HEG1: variants seen among roughly 807,000 people sequenced by gnomAD.
HEG1 encodes the protein heart development protein with EGF like domains 1.
Under a neutral mutation model 125.6 loss-of-function variants are expected in HEG1, and 56 were observed. The ratio of observed to expected loss-of-function variants is 0.45; its 90% CI spans 0.36 to 0.56. The LOEUF is 0.56. Among genes scored for constraint, HEG1 ranks in the 20% least tolerant of loss-of-function variants. The probability of loss-of-function intolerance (pLI) is 0.00; values close to 1 mark genes in which losing one functional copy is unlikely to be tolerated. For synonymous variants in HEG1, 644 were observed against 668.5 expected (o/e 0.96, Z 0.57); for missense variants, 1,523 against 1,670.0 (o/e 0.91, Z 1.53).
Position 125,020,899 on chromosome 3 carries a change from C to G in HEG1, c.1145G>C (p.Arg382Thr), listed in dbSNP as rs1485171134. ...ATTCCCAGTTACTCTACTGTTTCTT[C>G]TCGATTCCACTGCAGAGGGTGAAAG... ...VLLSPSAVES[R>T]RNSRVTGNPG... Residue 382 changes from arginine to threonine, a missense_variant, in exon 4 of 17, where the codon AGA (arginine) becomes ACA (threonine). Coordinates refer to ENST00000311127, the MANE Select transcript of HEG1 (RefSeq NM_020733.2). 3 of 1,613,904 alleles carry G rather than the reference C, an allele frequency of 1.9e-6. No individual in the cohort carries two copies. Among genetic ancestry groups the G allele is most frequent in the Non-Finnish European group, 2.5e-6 (3 of 1,179,906 alleles).
intron 1 of HEG1, among the ~76,000 whole-genome samples, chr3:125,045,936 A>G (rs1335172583): frequency 6.6e-6 from 1 of 152,208 alleles, no homozygotes; most frequent in Non-Finnish European, 1.5e-5. Flanking sequence ...TATCACAACT[A>G]AAACATTGCT....
chr3:125,051,400 T>C (rs1362262727), intron 1 of HEG1, among the ~76,000 whole-genome samples: 1 of 152,190 alleles, frequency 6.6e-6, no homozygotes, highest in Non-Finnish European at 1.5e-5. Flanking sequence ...TACCCCATTT[T>C]ACAGATGAGA....
At chr3:125,047,336 A>G (rs1937688549) in intron 1 of HEG1, among the ~76,000 whole-genome samples, 1 of 152,264 alleles carries the variant, frequency 6.6e-6, no homozygotes, top group Non-Finnish European at 1.5e-5. Flanking sequence ...TTGCCCAGGC[A>G]TCAAGCCGTC....
chr3:125,045,305 C>T (rs151046290), intron 1 of HEG1, among the ~76,000 whole-genome samples: 2 of 152,332 alleles, frequency 1.3e-5, no homozygotes, highest in East Asian at 1.9e-4. Context: ...TCCTTCCCCT[C>T]GGCCTCCTGG....
At chr3:124,987,580 T>G (rs967318726) in intron 14 of HEG1, among the ~76,000 whole-genome samples, 2 of 148,344 alleles carry the variant, frequency 1.3e-5, no homozygotes, top group Non-Finnish European at 3.0e-5. Flanking sequence ...CAGAGTGCAA[T>G]GGCGCTATCC....
In HEG1 at chr3:125,044,248, A is replaced by G. The variant is rs1026566228; in HGVS notation, c.316+11327T>C. The stretch of plus-strand genomic sequence containing the variant: ...CTAATGCGTTTTGTAAATCAAGATT[A>G]GGAAACCTGACATTCTATTCAAATA... On this transcript the variant is annotated intron_variant, in intron 1 of 16. Transcript: ENST00000311127. 1.5e-4 allele frequency among the ~76,000 whole-genome samples: 23 copies of G among 152,246 alleles called. 1 individual carries two copies. Among genetic ancestry groups the G allele is most frequent in the African/African-American group, 5.5e-4 (23 of 41,454 alleles).
Position 125,010,451 on chromosome 3 carries a change from C to A in HEG1, c.3061G>T (p.Asp1021Tyr). Residue 1021 changes from aspartate (D) to tyrosine (Y), a missense_variant, in exon 7 of 17, where the codon GAT becomes TAT. Physicochemically the swap from Asp to Tyr is radical, Grantham distance 160. Transcript: ENST00000311127. ...CTTTTTCTCTTACCCACACTGCAAT[C>A]ATCCCCTTGCCAGGAAGGCGGGCAC... ...CRCPPSWQGD[D>Y]CSVDVNECLS... 3 of 1,553,198 alleles carry A rather than the reference C, an allele frequency of 1.9e-6. No homozygotes were observed. Among genetic ancestry groups the A allele is most frequent in the South Asian group, 1.2e-5 (1 of 84,038 alleles).
intron 14 of HEG1, among the ~76,000 whole-genome samples, chr3:124,978,436 C>G (rs569233528): frequency 3.3e-5 from 5 of 152,140 alleles, no homozygotes; most frequent in Non-Finnish European, 5.9e-5. Flanking sequence ...CGTGAGCCAC[C>G]GCGCCCGGCC....
chr3:124,975,791 T>C (rs771349729), intron 15 of HEG1, among the ~76,000 whole-genome samples: 4 of 152,232 alleles, frequency 2.6e-5, no homozygotes, highest in Non-Finnish European at 4.4e-5. Flanking sequence ...TAGGTGGTCT[T>C]TTGGGACTGG....
intron 12 of HEG1, among the ~76,000 whole-genome samples, chr3:124,991,824 C>A (rs1249712711): frequency 6.6e-6 from 1 of 152,174 alleles, no homozygotes; most frequent in Non-Finnish European, 1.5e-5. Context: ...GTTGGCCAGG[C>A]TGCTCAAACT....
rs1228529092 is a variant in HEG1 at position 125,013,290 on chromosome 3, C to T, written c.2289G>A (p.Met763Ile). ...TATGGAGCATTGTCATGAATGATGT[C>T]ATTGTTGATGTCTGAAATGAAGTCA... ...TPVTSFQTST[M>I]TSFMTMLHSS... is the part of the protein sequence containing the mutation. The change falls in exon 6 of 17, where the codon ATG becomes ATA. Residue 763 changes from methionine (M) to isoleucine (I), a missense_variant. Met to Ile is a conservative substitution (Grantham distance 10). Transcript: ENST00000311127. 14 of 1,613,826 alleles carry T rather than the reference C, an allele frequency of 8.7e-6. No homozygotes were observed. Among genetic ancestry groups the T allele is most frequent in the Middle Eastern group, 1.6e-4 (1 of 6,084 alleles).
rs1937433693 is a variant in HEG1 at position 125,027,437 on chromosome 3, C to T, written c.681G>A (p.Lys227=). 5.6e-6 allele frequency: 9 copies of T among 1,613,852 alleles called. No individual in the cohort carries two copies. Among genetic ancestry groups the T allele is most frequent in the Non-Finnish European group, 6.8e-6 (8 of 1,179,846 alleles). The part of the protein sequence containing the change: ...FDERIAAFQT[K]SGTASEMGTE... ...TTCCCATCTCCGAGGCTGTTCCACT[C>T]TTTGTTTGAAAAGCGGCAATTCTTT... The change falls in exon 3 of 17, where the codon AAG becomes AAA. Residue 227 remains lysine (K), a synonymous_variant. Transcript: ENST00000311127.
At chr3:124,997,174 T>A (rs1936934632) in intron 12 of HEG1, among the ~76,000 whole-genome samples, 2 of 152,200 alleles carry the variant, frequency 1.3e-5, no homozygotes, top group South Asian at 4.2e-4. Flanking sequence ...AGAATAAATA[T>A]CCAATAGAGG....
intron 1 of HEG1, among the ~76,000 whole-genome samples, chr3:125,046,842 T>G (rs955479614): frequency 6.6e-6 from 1 of 152,222 alleles, no homozygotes; most frequent in African/African-American, 2.4e-5. Flanking sequence ...GAAGCACGTA[T>G]TGATAACCCC....
In HEG1 at chr3:125,055,875, C is replaced by G. The variant is rs1170894282; in HGVS notation, c.16G>C (p.Ala6Pro). Reference sequence around the variant, plus strand: ...AGGAGCGGCGGCGGCCACCGCGAGGCGCGCGGCGAGGCCATGGTGACGGCG... The same window carrying G: ...AGGAGCGGCGGCGGCCACCGCGAGGGGCGCGGCGAGGCCATGGTGACGGCG... MASPR[A>P]SRWPPPLLLL... The change falls in exon 1 of 17, where the codon GCC (alanine) becomes CCC (proline). Residue 6 changes from alanine (A) to proline (P), a missense_variant. By Grantham distance (27) the Ala-to-Pro change is conservative. Transcript: ENST00000311127. 8 of 983,288 alleles carry G rather than the reference C, an allele frequency of 8.1e-6. No individual in the cohort carries two copies. Among genetic ancestry groups the G allele is most frequent in the Non-Finnish European group, 2.4e-6 (2 of 829,976 alleles). The allele number at this position is 983,288 out of a possible 1,614,324, so 60.9% of individuals were successfully genotyped here.
intron 1 of HEG1, among the ~76,000 whole-genome samples, chr3:125,033,396 A>C (rs1198423625): frequency 6.6e-6 from 1 of 152,180 alleles, no homozygotes; most frequent in Non-Finnish European, 1.5e-5. Context: ...CCACTGTGTA[A>C]AGCTGGGACT....
chr3:124,995,302 A>G (rs977252263), intron 12 of HEG1, among the ~76,000 whole-genome samples: 1 of 152,106 alleles, frequency 6.6e-6, no homozygotes, highest in African/African-American at 2.4e-5. Context: ...TTGTCTCTAA[A>G]AAGAAAAAAA....
rs1351346414 is a variant in HEG1, at chr3:124,980,708, G to A, written c.3734-2762C>T. ...ATTTTTTGGCATTTTTAGTAGAGACGGGGTTTCGCTATGTTGGCCAGGCTG... is the reference window on the plus strand; with the variant it reads ...ATTTTTTGGCATTTTTAGTAGAGACAGGGTTTCGCTATGTTGGCCAGGCTG... On this transcript the variant is annotated intron_variant, in intron 14 of 16. Transcript: ENST00000311127. Among the ~76,000 whole-genome samples, 8 of 152,124 alleles carry A rather than the reference G, an allele frequency of 5.3e-5. No homozygotes were observed. The South Asian group carries it at 1.2e-3, about 24-fold the overall frequency.
At position 125,012,751 on chromosome 3, in the gene HEG1, G is replaced by C. The variant is rs771282234; in HGVS notation, c.2828C>G (p.Ser943Cys). Reference sequence around the variant, plus strand: ...TTGGGGAGAAGGAGATGTTCCGAGGGAACGTGAAGCTGGGCTGTACTCTGC... The same window carrying C: ...TTGGGGAGAAGGAGATGTTCCGAGGCAACGTGAAGCTGGGCTGTACTCTGC... The part of the protein sequence containing the change: ...VTAEYSPASR[S>C]LGTSPSPQTT... The change falls in exon 6 of 17, where the codon TCC (serine) becomes TGC (cysteine). Residue 943 changes from serine (S) to cysteine (C), a missense_variant. Physicochemically the swap from Ser to Cys is moderately radical, Grantham distance 112. Coordinates refer to ENST00000311127, the MANE Select transcript of HEG1 (RefSeq NM_020733.2). 4.3e-6 allele frequency: 7 copies of C among 1,614,028 alleles called. No homozygotes were observed. The highest frequency in any genetic ancestry group is 2.5e-6 in the Non-Finnish European group (3 of 1,179,898).
Sources: gnomAD v4.1 joint callset for allele counts (sites outside exome capture counted in the v4.1 genomes callset) on GRCh38, gnomAD v4.1.1 for gene constraint, MANE v1.5 for transcripts, NCBI Gene and HGNC (gene_info 2026-07-23, HGNC 2026-07-21) for gene names.